The following CAPS2 variants were observed in gnomAD, a reference collection of about 807,000 sequenced individuals.
CAPS2 encodes the protein calcyphosin-2.
In CAPS2, 98 loss-of-function variants were observed where a neutral mutation model predicts 86.5. That is an observed-to-expected ratio of 1.13 (90% CI 0.96 to 1.34). The LOEUF (loss-of-function observed/expected upper bound fraction) is 1.34. Ranked by LOEUF, CAPS2 falls within the 40% of genes most tolerant of loss-of-function variation. CAPS2 has a pLI of 0.00. For missense variants in CAPS2, 729 were observed against 686.8 expected (o/e 1.06, Z -0.69); for synonymous variants, 210 against 225.1 (o/e 0.93, Z 0.60).
chr12:75,367,693 C>G (rs1181536439), intron 1 of CAPS2, among the ~76,000 whole-genome samples: 6 of 151,970 alleles, frequency 3.9e-5, no homozygotes. Context: ...TTATTTCTGA[C>G]AGTTTATTGA....
chr12:75,315,990 T>C (rs760185718), intron 6 of CAPS2, among the ~76,000 whole-genome samples: 3 of 152,148 alleles, frequency 2.0e-5, no homozygotes, highest in Admixed American at 1.3e-4. Flanking sequence ...GCTCATTACT[T>C]CAAAAAAATA....
chr12:75,346,150 CA>C (rs1370362771), intron 1 of CAPS2, among the ~76,000 whole-genome samples: 4 of 152,074 alleles, frequency 2.6e-5, no homozygotes, highest in African/African-American at 9.7e-5. Flanking sequence ...CCAAAAGCCC[CA>C]AAAAGTCACA....
intron 1 of CAPS2, among the ~76,000 whole-genome samples, chr12:75,383,583 T>C (rs543813244): frequency 6.6e-6 from 1 of 152,286 alleles, no homozygotes; most frequent in African/African-American, 2.4e-5. Flanking sequence ...TCTACTATTA[T>C]AGTTGGAGAC....
At chr12:75,346,346 G>T (rs188304949) in intron 1 of CAPS2, among the ~76,000 whole-genome samples, 1 of 151,972 alleles carries the variant, frequency 6.6e-6, no homozygotes, top group African/African-American at 2.4e-5. Flanking sequence ...CCTCAGAATT[G>T]ATCTGTCACT....
chr12:75,318,603 G>A (rs1444241978), intron 5 of CAPS2, among the ~76,000 whole-genome samples: 2 of 151,966 alleles, frequency 1.3e-5, no homozygotes. Flanking sequence ...TGCTCCTCAG[G>A]TGTATGCTAA....
In CAPS2 at chr12:75,315,290, G is replaced by T. The variant is rs139532491; in HGVS notation, c.591+1022C>A. ...TACCCATTTCAAATATAACTTCAGG[G>T]ATATATCAAAATAAGCCTGAATTGA... On this transcript the variant is annotated intron_variant, in intron 6 of 16. Coordinates refer to ENST00000393284, the Ensembl canonical transcript of CAPS2. Among the ~76,000 whole-genome samples the T allele has an allele frequency of 8.3e-3, 1,257 of 152,134 alleles. 7 individuals are homozygous for T. The highest frequency in any genetic ancestry group is 0.029 in the African/African-American group (1,200 of 41,510).
upstream of CAPS2, chr12:75,329,798 C>T (rs777390362): frequency 5.2e-6 from 8 of 1,524,754 alleles, no homozygotes; most frequent in South Asian, 8.7e-5. Context: ...CCATCACTCC[C>T]CCTGCTCCCA....
chr12:75,331,123 C>T (rs915843835), upstream of CAPS2, among the ~76,000 whole-genome samples: 9 of 152,044 alleles, frequency 5.9e-5, no homozygotes, highest in African/African-American at 1.9e-4. Flanking sequence ...AATATCTTGG[C>T]ATCAACTCCT....
At chr12:75,371,440 G>A (rs1316840435) in intron 1 of CAPS2, 1 of 335,750 alleles carries the variant, frequency 3.0e-6, no homozygotes, top group Non-Finnish European at 6.1e-6. Flanking sequence ...GCTCTCCTTT[G>A]GCAATACTCT....
intron 1 of CAPS2, among the ~76,000 whole-genome samples, chr12:75,386,330 A>T (rs936475854): frequency 2.0e-4 from 30 of 152,162 alleles, no homozygotes; most frequent in African/African-American, 4.3e-4. Context: ...AATTTATTTT[A>T]AAAAAAGATC....
chr12:75,318,481 C>T (rs1310275587), intron 5 of CAPS2, among the ~76,000 whole-genome samples: 2 of 152,106 alleles, frequency 1.3e-5, no homozygotes, highest in Non-Finnish European at 2.9e-5. Context: ...CTTTAACTCT[C>T]TTACCAACCT....
chr12:75,347,246 G>T (rs1257021574), intron 1 of CAPS2, among the ~76,000 whole-genome samples: 1 of 151,946 alleles, frequency 6.6e-6, no homozygotes, highest in Non-Finnish European at 1.5e-5. Context: ...ATAAATGTAA[G>T]TTATTGTTTT....
At chr12:75,333,599 G>A (rs1230088432), upstream of CAPS2, among the ~76,000 whole-genome samples, 1 of 152,112 alleles carries the variant, frequency 6.6e-6, no homozygotes, top group Non-Finnish European at 1.5e-5. Flanking sequence ...TTGCCCAGTA[G>A]AATTTCCATT....
At chr12:75,319,606 T>C (rs2040111317) in intron 5 of CAPS2, among the ~76,000 whole-genome samples, 1 of 152,130 alleles carries the variant, frequency 6.6e-6, no homozygotes, top group Non-Finnish European at 1.5e-5. Flanking sequence ...CAACACAAAA[T>C]GAACGAAGAC....
intron 1 of CAPS2, among the ~76,000 whole-genome samples, chr12:75,353,604 C>G (rs2042956108): frequency 6.6e-6 from 1 of 152,108 alleles, no homozygotes; most frequent in Non-Finnish European, 1.5e-5. Flanking sequence ...GAAAATATTC[C>G]AAACAACTGA....
chr12:75,315,086 G>A (rs1465427123), intron 6 of CAPS2, among the ~76,000 whole-genome samples: 1 of 152,096 alleles, frequency 6.6e-6, no homozygotes, highest in African/African-American at 2.4e-5. Context: ...TCATGTAAAC[G>A]TTTCCTTAGG....
At chr12:75,321,788 A>T (rs574910265) in intron 4 of CAPS2, among the ~76,000 whole-genome samples, 84 of 152,268 alleles carry the variant, frequency 5.5e-4, no homozygotes, top group African/African-American at 1.9e-3. Context: ...CGGAATGGGC[A>T]CTTACCTTAA....
chr12:75,316,318 C>T, exon 6 of CAPS2: 4 of 1,550,476 alleles, frequency 2.6e-6, no homozygotes, highest in Non-Finnish European at 3.5e-6. Context: ...TTACTGCATC[C>T]AATTTTCTTG....
Position 75,325,296 on chromosome 12 carries a change from T to G in CAPS2, c.82-8A>C, listed in dbSNP as rs2040662492. The stretch of plus-strand genomic sequence containing the variant: ...CTCAGAAGTCCACCTTTGCTTTAAT[T>G]AAAAAAAAAACTTTTTGAATCAGTA... On this transcript the variant is annotated splice_polypyrimidine_tract_variant and splice_region_variant and intron_variant, in intron 1 of 16. Coordinates refer to ENST00000393284, the Ensembl canonical transcript of CAPS2. 2 of 1,303,154 alleles carry G rather than the reference T, an allele frequency of 1.5e-6. No individual in the cohort carries two copies. The highest frequency in any genetic ancestry group is 3.0e-5 in the African/African-American group (2 of 66,162). 80.7% of individuals were successfully genotyped at this position (1,303,154 alleles called of 1,614,324 possible). A position where few individuals can be genotyped will look rare whatever the true frequency, so the allele number is the denominator to read the frequency against.
Sources: allele counts gnomAD v4.1 joint callset (sites outside exome capture counted in the v4.1 genomes callset), GRCh38; gene constraint gnomAD v4.1.1; transcripts MANE v1.5; gene names NCBI Gene and HGNC (gene_info 2026-07-23, HGNC 2026-07-21).